The following EPHA6 variants were observed in gnomAD, a reference collection of about 807,000 sequenced individuals.
The protein encoded by EPHA6 is EPH receptor A6.
A neutral mutation model predicts 112.0 loss-of-function variants in EPHA6; 50 were observed. That is an observed-to-expected ratio of 0.45 (90% CI 0.36 to 0.56). The LOEUF (loss-of-function observed/expected upper bound fraction) is 0.56, where lower values mean the gene tolerates loss of function less well. EPHA6 is among the 20% of genes least tolerant of loss of function. The pLI, the probability that EPHA6 is intolerant of heterozygous loss-of-function variation, is 0.00. For synonymous variants in EPHA6, 529 were observed against 490.7 expected, an observed-to-expected ratio of 1.08 and a Z score of -1.03; for missense variants, 1,280 against 1,417.4, an observed-to-expected ratio of 0.90 and a Z score of 1.56.
Position 97,481,146 on chromosome 3 carries a change from G to C in EPHA6, c.2074+1782G>C, listed in dbSNP as rs902243854. The C allele has an allele frequency of 2.8e-5, 20 of 721,196 alleles. No individual in the cohort carries two copies. The African/African-American group carries it at 3.3e-4, about 12-fold the overall frequency. The allele number at this position is 721,196 out of a possible 1,614,324, so 44.7% of individuals were successfully genotyped here. On this transcript the variant is annotated intron_variant, in intron 9 of 17. Transcript: ENST00000389672. ...AGGTGGCTGGGAGGTGGAGGTTGTA[G>C]AGAGCCGAGATCACGCCACTGCACT...
intron 2 of EPHA6, among the ~76,000 whole-genome samples, chr3:96,888,538 G>T (rs1363007587): frequency 6.6e-6 from 1 of 152,204 alleles, no homozygotes; most frequent in Non-Finnish European, 1.5e-5. Context: ...CCACGTGGAA[G>T]CTGCCAAGGC....
chr3:97,208,461 G>T lies in EPHA6; in HGVS notation c.1115-17803G>T, dbSNP rs994601673. ...AGCTGGACTGTAAAAATGGAGGGCC[G>T]CAGGCTGGGTGCAGTAGCTCATGCC... is the stretch of plus-strand genomic sequence containing the variant. On this transcript the variant is annotated intron_variant, in intron 3 of 17. Transcript: ENST00000389672. Among the ~76,000 whole-genome samples, 5 of 152,052 alleles carry T rather than the reference G, an allele frequency of 3.3e-5. No homozygotes were observed. The East Asian group carries it at 5.8e-4, about 18-fold the overall frequency.
chr3:97,539,246 C>A (rs921659330), intron 11 of EPHA6, among the ~76,000 whole-genome samples: 1 of 151,230 alleles, frequency 6.6e-6, no homozygotes, highest in Admixed American at 6.6e-5. Flanking sequence ...CTCCCTGGTT[C>A]AAGCAATTCT....
At chr3:97,696,711 A>T (rs1246993587) in intron 14 of EPHA6, among the ~76,000 whole-genome samples, 1 of 152,152 alleles carries the variant, frequency 6.6e-6, no homozygotes, top group Non-Finnish European at 1.5e-5. Flanking sequence ...AATTTTACTG[A>T]GTGTGTACTA....
intron 2 of EPHA6, among the ~76,000 whole-genome samples, chr3:96,926,610 C>T (rs577665599): frequency 5.3e-5 from 8 of 152,352 alleles, no homozygotes; most frequent in African/African-American, 1.7e-4. Flanking sequence ...AATGCTCTTA[C>T]TCTAAATGGG....
chr3:97,422,005 A>C (rs775286054), intron 6 of EPHA6, among the ~76,000 whole-genome samples: 1 of 152,094 alleles, frequency 6.6e-6, no homozygotes, highest in Non-Finnish European at 1.5e-5. Context: ...AGAACTTTAA[A>C]ATTTTTGGAA....
At chr3:97,332,342 T>G (rs905940644) in intron 5 of EPHA6, among the ~76,000 whole-genome samples, 2 of 151,954 alleles carry the variant, frequency 1.3e-5, no homozygotes, top group African/African-American at 4.8e-5. Context: ...CTTTGAAAAC[T>G]GGCACAAGAC....
At chr3:97,591,577 G>A (rs2093544948) in intron 11 of EPHA6, among the ~76,000 whole-genome samples, 1 of 151,950 alleles carries the variant, frequency 6.6e-6, no homozygotes, top group African/African-American at 2.4e-5. Context: ...GTGGGTGGGG[G>A]AGGGTTCTAG....
At chr3:97,068,792 C>A (rs2046262338) in intron 3 of EPHA6, among the ~76,000 whole-genome samples, 1 of 151,956 alleles carries the variant, frequency 6.6e-6, no homozygotes, top group Non-Finnish European at 1.5e-5. Context: ...AGTGAGAGGC[C>A]CCACTCTCTT....
chr3:97,017,966 C>A (rs2044320995), intron 3 of EPHA6, among the ~76,000 whole-genome samples: 1 of 150,996 alleles, frequency 6.6e-6, no homozygotes, highest in Non-Finnish European at 1.5e-5. Context: ...TGTAGGCATG[C>A]TTTACTGTTT....
Position 97,492,576 on chromosome 3 carries a change from A to C in EPHA6, c.2200+8517A>C, listed in dbSNP as rs1358754335. On this transcript the variant is annotated intron_variant, in intron 10 of 17. Transcript: ENST00000389672. The stretch of plus-strand genomic sequence containing the variant: ...AAAAAAAAAAAAAAAAAAAAAAAAA[A>C]AAAAAAAAAAAAAAAAAACCGTGGA... Among the ~76,000 whole-genome samples the C allele has an allele frequency of 2.9e-4, 30 of 103,764 alleles. No individual in the cohort carries two copies. In the East Asian group the frequency reaches 4.5e-3, roughly 16 times the overall value. 68.1% of individuals were successfully genotyped at this position (103,764 alleles called of 152,430 possible).
At chr3:97,185,746 A>G (rs915209185) in intron 3 of EPHA6, among the ~76,000 whole-genome samples, 2 of 152,146 alleles carry the variant, frequency 1.3e-5, no homozygotes, top group African/African-American at 4.8e-5. Context: ...TCATGCCGCT[A>G]TAAAGACACA....
chr3:97,292,146 C>A (rs549930748), intron 5 of EPHA6, among the ~76,000 whole-genome samples: 1 of 152,228 alleles, frequency 6.6e-6, no homozygotes, highest in Non-Finnish European at 1.5e-5. Flanking sequence ...GCTTCCGCTG[C>A]GGGCACCAGT....
chr3:96,970,272 C>A (rs868031370), intron 2 of EPHA6, among the ~76,000 whole-genome samples: 8 of 149,046 alleles, frequency 5.4e-5, no homozygotes, highest in East Asian at 2.0e-4. Flanking sequence ...CACACAAACA[C>A]ACACACACAC....
chr3:96,841,666 G>A (rs1419081293), intron 1 of EPHA6, among the ~76,000 whole-genome samples: 1 of 152,044 alleles, frequency 6.6e-6, no homozygotes, highest in Non-Finnish European at 1.5e-5. Flanking sequence ...GCCCATAACG[G>A]AGATACAGTT....
intron 3 of EPHA6, among the ~76,000 whole-genome samples, chr3:97,024,663 C>G (rs1245158378): frequency 1.3e-5 from 2 of 152,110 alleles, no homozygotes; most frequent in Non-Finnish European, 2.9e-5. Context: ...GTTTTTTTAA[C>G]TCACACTTTC....
intron 5 of EPHA6, among the ~76,000 whole-genome samples, chr3:97,362,273 T>G (rs1182225999): frequency 6.6e-6 from 1 of 152,132 alleles, no homozygotes; most frequent in African/African-American, 2.4e-5. Context: ...ATTTTGATAT[T>G]CAGTATTGCC....
intron 5 of EPHA6, among the ~76,000 whole-genome samples, chr3:97,338,948 C>A (rs1577023810): frequency 6.6e-6 from 1 of 152,326 alleles, no homozygotes; most frequent in East Asian, 1.9e-4. Flanking sequence ...CCTCTATCAT[C>A]TTCCCCATCC....
intron 3 of EPHA6, among the ~76,000 whole-genome samples, chr3:97,042,761 A>G (rs1298849474): frequency 6.6e-6 from 1 of 152,138 alleles, no homozygotes; most frequent in African/African-American, 2.4e-5. Flanking sequence ...GTAGAAGAGC[A>G]TACACTTAGC....
Sources: allele counts gnomAD v4.1 joint callset (sites outside exome capture counted in the v4.1 genomes callset), GRCh38; gene constraint gnomAD v4.1.1; transcripts MANE v1.5; gene names NCBI Gene and HGNC (gene_info 2026-07-23, HGNC 2026-07-21).